RASL10B: variants seen among roughly 807,000 people sequenced by gnomAD.
The protein encoded by RASL10B is RAS like family 10 member B, also known as ras-like protein family member 10B.
A neutral mutation model predicts 20.7 loss-of-function variants in RASL10B; 10 were observed. The observed-to-expected ratio is 0.48, with a 90% CI of 0.30 to 0.82. RASL10B has a LOEUF of 0.82. Ranked by LOEUF, RASL10B falls within the 40% of genes least tolerant of loss-of-function variation. The pLI is 0.07. For missense variants in RASL10B, 231 were observed against 295.4 expected, an observed-to-expected ratio of 0.78 and a Z score of 1.60; for synonymous variants, 110 against 123.3, an observed-to-expected ratio of 0.89 and a Z score of 0.72.
intron 3 of RASL10B, 135 bp downstream of exon 3, chr17:35,740,668 A>G: frequency 9.1e-7 from 1 of 1,095,396 alleles, no homozygotes; most frequent in South Asian, 1.5e-5. Context: ...ACACTCAAAC[A>G]TGCATACATT....
In RASL10B at chr17:35,742,911, A is replaced by G. The variant is rs934815805; in HGVS notation, c.*1606A>G. Reference sequence around the variant, plus strand: ...GGTGGGGAATTTATCACCAACATCCATTGTAGGGGGAATCTATGATTCTGC... The same window carrying G: ...GGTGGGGAATTTATCACCAACATCCGTTGTAGGGGGAATCTATGATTCTGC... On this transcript the variant is annotated 3_prime_UTR_variant, in exon 4 of 4. Transcript: ENST00000603017. 1 of 152,260 alleles carries G rather than the reference A, an allele frequency of 6.6e-6. No homozygotes were observed. The highest frequency in any genetic ancestry group is 2.4e-5 in the African/African-American group (1 of 41,430). 9.4% of individuals were successfully genotyped at this position (152,260 alleles called of 1,614,324 possible).
intron 2 of RASL10B, among the ~76,000 whole-genome samples, chr17:35,738,394 C>G (rs1459406027): frequency 6.6e-6 from 1 of 152,190 alleles, no homozygotes; most frequent in Admixed American, 6.5e-5. Flanking sequence ...TGGCCACCAT[C>G]TGGAAACAAA....
chr17:35,735,279 T>G lies in RASL10B; in HGVS notation c.95T>G (p.Val32Gly). 6.2e-7 allele frequency: 1 copy of G among 1,613,786 alleles called. No individual in the cohort carries two copies. The highest frequency in any genetic ancestry group is 8.5e-7 in the Non-Finnish European group (1 of 1,180,014). The change falls in exon 2 of 4, where the codon GTC becomes GGC. Residue 32 changes from valine to glycine, a missense_variant. Physicochemically the swap from Val to Gly is moderately radical, Grantham distance 109. Transcript: ENST00000603017. This position sits in a 1 kb window ranked among gnomAD's most constrained non-coding sequence, Gnocchi z 6.7. ...RQFLYNEFSE[V>G]CVPTTARRLY... ...TTCTTGTACAACGAGTTCAGCGAGG[T>G]CTGCGTCCCCACCACCGCCCGCCGC...
rs1290656354 is a variant in RASL10B, at chr17:35,743,487, T to G, written c.*2182T>G. The G allele has an allele frequency of 6.5e-6, 1 of 152,726 alleles. No homozygotes were observed. Among genetic ancestry groups the G allele is most frequent in the Non-Finnish European group, 1.5e-5 (1 of 68,124 alleles). 9.5% of individuals were successfully genotyped at this position (152,726 alleles called of 1,614,324 possible). ...CATTGAGCTGTTACCCGAAGTCAGA[T>G]TAAAAATCAGGGAGTGTTTTCCCTC... On this transcript the variant is annotated 3_prime_UTR_variant, in exon 4 of 4. Coordinates refer to ENST00000603017, the MANE Select transcript of RASL10B (RefSeq NM_033315.4).
rs1450610175 is a variant in RASL10B, at chr17:35,743,298, G to C, written c.*1993G>C. 3.9e-5 allele frequency: 6 copies of C among 152,806 alleles called. No individual in the cohort carries two copies. Among genetic ancestry groups the C allele is most frequent in the Non-Finnish European group, 7.3e-5 (5 of 68,160 alleles). The allele number at this position is 152,806 out of a possible 1,614,324, so 9.5% of individuals were successfully genotyped here. On this transcript the variant is annotated 3_prime_UTR_variant, in exon 4 of 4. Coordinates refer to ENST00000603017, the MANE Select transcript of RASL10B (RefSeq NM_033315.4). ...AGCCCAGGCCTCTGGCTGCTCCCCTGTGGGAGCCATTGGAATGTATCCCCT... is the reference window on the plus strand; with the variant it reads ...AGCCCAGGCCTCTGGCTGCTCCCCTCTGGGAGCCATTGGAATGTATCCCCT...
rs1219776554 is a variant in RASL10B at position 35,735,278 on chromosome 17, G to T, written c.94G>T (p.Val32Phe). The change falls in exon 2 of 4, where the codon GTC (valine) becomes TTC (phenylalanine). Residue 32 changes from valine to phenylalanine, a missense_variant. Coordinates refer to ENST00000603017, the MANE Select transcript of RASL10B (RefSeq NM_033315.4). The surrounding 1 kb of genome is among the most constrained non-coding windows in gnomAD (Gnocchi z 6.7). Reference protein sequence around the residue: ...RQFLYNEFSEVCVPTTARRLY... With the variant: ...RQFLYNEFSEFCVPTTARRLY... ...GTTCTTGTACAACGAGTTCAGCGAG[G>T]TCTGCGTCCCCACCACCGCCCGCCG... The T allele has an allele frequency of 1.2e-6, 2 of 1,613,806 alleles. No homozygotes were observed. Among genetic ancestry groups the T allele is most frequent in the African/African-American group, 2.7e-5 (2 of 74,936 alleles).
chr17:35,738,572 G>A (rs1456291002), intron 2 of RASL10B, among the ~76,000 whole-genome samples: 4 of 152,182 alleles, frequency 2.6e-5, no homozygotes, highest in African/African-American at 9.7e-5. Context: ...TGGTTGAGAT[G>A]CAGGTGGCTG....
chr17:35,738,453 G>C (rs113655267), intron 2 of RASL10B, among the ~76,000 whole-genome samples: 192 of 152,286 alleles, frequency 1.3e-3, no homozygotes, highest in African/African-American at 4.4e-3. Context: ...CAGGAGAGTA[G>C]TGTTTCCTGG....
chr17:35,743,088 C>T lies in RASL10B; in HGVS notation c.*1783C>T, dbSNP rs2085640186. ...AGTGACCTGCCCTCTGTGAGCCTCCCTCTGACACAGAGGAGGTGGCTCCCC... is the reference window on the plus strand; with the variant it reads ...AGTGACCTGCCCTCTGTGAGCCTCCTTCTGACACAGAGGAGGTGGCTCCCC... On this transcript the variant is annotated 3_prime_UTR_variant, in exon 4 of 4. Coordinates refer to ENST00000603017, the MANE Select transcript of RASL10B (RefSeq NM_033315.4). The T allele has an allele frequency of 6.5e-6, 1 of 152,736 alleles. No individual in the cohort carries two copies. Among genetic ancestry groups the T allele is most frequent in the South Asian group, 2.1e-4 (1 of 4,834 alleles). The allele number at this position is 152,736 out of a possible 1,614,324, so 9.5% of individuals were successfully genotyped here.
At chr17:35,733,541 G>A (rs1055388828) in intron 1 of RASL10B, among the ~76,000 whole-genome samples, 6 of 152,226 alleles carry the variant, frequency 3.9e-5, no homozygotes, top group Non-Finnish European at 1.5e-5. Context: ...TATGTGGAAA[G>A]AACATGCATC....
In RASL10B at chr17:35,735,274, C is replaced by T. The variant is rs1480654179; in HGVS notation, c.90C>T (p.Ser30=). 5.6e-6 allele frequency: 9 copies of T among 1,613,878 alleles called. No homozygotes were observed. Among genetic ancestry groups the T allele is most frequent in the Admixed American group, 1.7e-5 (1 of 60,030 alleles). Residue 30 remains serine, a synonymous_variant, in exon 2 of 4, where the codon AGC becomes AGT. Transcript: ENST00000603017. This position sits in a 1 kb window ranked among gnomAD's most constrained non-coding sequence, Gnocchi z 6.7. ...GCCAGTTCTTGTACAACGAGTTCAG[C>T]GAGGTCTGCGTCCCCACCACCGCCC... is the stretch of plus-strand genomic sequence containing the variant. ...IVRQFLYNEF[S]EVCVPTTARR... is the part of the protein sequence containing the mutation.
intron 2 of RASL10B, among the ~76,000 whole-genome samples, chr17:35,739,233 CTG>C (rs2085613192): frequency 6.6e-6 from 1 of 152,224 alleles, no homozygotes; most frequent in Non-Finnish European, 1.5e-5. Flanking sequence ...AAGTGGAGAA[CTG>C]TAGTCCTCCT....
At chr17:35,732,646 C>T (rs775603924) in intron 1 of RASL10B, among the ~76,000 whole-genome samples, 5 of 152,122 alleles carry the variant, frequency 3.3e-5, no homozygotes, top group Non-Finnish European at 7.4e-5. Context: ...CTGGGTAGTG[C>T]CCCTCTTGCA....
At position 35,740,542 on chromosome 17, in the gene RASL10B, C is replaced by T; in HGVS notation, c.341+9C>T. 1 of 1,611,932 alleles carries T rather than the reference C, an allele frequency of 6.2e-7. No homozygotes were observed. Among genetic ancestry groups the T allele is most frequent in the Admixed American group, 1.7e-5 (1 of 59,976 alleles). ...CAGATCCTGGAGACGAGGTGAGAGG[C>T]TGGAACACAGTCCATTGCCACCTCT... On this transcript the variant is annotated intron_variant, in intron 3 of 3. Coordinates refer to ENST00000603017, the MANE Select transcript of RASL10B (RefSeq NM_033315.4).
intron 3 of RASL10B, 29 bp downstream of exon 3, chr17:35,740,562 A>T (rs782685764): frequency 5.6e-6 from 9 of 1,606,192 alleles, no homozygotes; most frequent in Non-Finnish European, 7.7e-6. Flanking sequence ...GTCCATTGCC[A>T]CCTCTGTGGA....
chr17:35,732,803 C>G (rs1021196538), intron 1 of RASL10B, among the ~76,000 whole-genome samples: 5 of 152,150 alleles, frequency 3.3e-5, no homozygotes, highest in Non-Finnish European at 5.9e-5. Flanking sequence ...CTTGCCCTCT[C>G]TTCCTCCCCT....
At chr17:35,740,610 G>C in intron 3 of RASL10B, 77 bp downstream of exon 3, 1 of 1,515,216 alleles carries the variant, frequency 6.6e-7, no homozygotes, top group Non-Finnish European at 9.0e-7. Flanking sequence ...AAAGGGCACA[G>C]TATAGGGACA....
In RASL10B at chr17:35,735,970, G is replaced by A. The variant is rs1436833164; in HGVS notation, c.216+570G>A. 1.3e-5 allele frequency among the ~76,000 whole-genome samples: 2 copies of A among 152,152 alleles called. No individual in the cohort carries two copies. The highest frequency in any genetic ancestry group is 1.9e-4 in the East Asian group (1 of 5,180). On this transcript the variant is annotated intron_variant, in intron 2 of 3. Transcript: ENST00000603017. This position sits in a 1 kb window ranked among gnomAD's most constrained non-coding sequence, Gnocchi z 6.7. ...GAGAAGGGACAGCAGCAGAACAGAC[G>A]GGGCCCTGGGAAAGGTGTGTTCTTG... is the stretch of plus-strand genomic sequence containing the variant.
intron 1 of RASL10B, among the ~76,000 whole-genome samples, chr17:35,734,641 T>C (rs2085578636): frequency 6.6e-6 from 1 of 152,112 alleles, no homozygotes; most frequent in African/African-American, 2.4e-5. Context: ...CCCCACAAAA[T>C]GTCAGGAGTG....
Sources: gnomAD v4.1 joint callset for allele counts (sites outside exome capture counted in the v4.1 genomes callset) on GRCh38, gnomAD v4.1.1 for gene constraint, Gnocchi (gnomAD v3.1) non-coding constraint, MANE v1.5 for transcripts, NCBI Gene and HGNC (gene_info 2026-07-23, HGNC 2026-07-21) for gene names.